Variants in LGR5 observed in about 807,000 individuals in gnomAD.
The protein encoded by LGR5 is leucine rich repeat containing G protein-coupled receptor 5.
LGR5 carries 54 observed loss-of-function variants against 76.7 expected under a neutral mutation model. The ratio of observed to expected loss-of-function variants is 0.70; its 90% CI spans 0.57 to 0.88. LGR5 has a LOEUF of 0.88. Ranked by LOEUF, LGR5 falls within the 40% of genes least tolerant of loss-of-function variation. The probability of loss-of-function intolerance (pLI) is 0.00; values close to 1 mark genes in which losing one functional copy is unlikely to be tolerated. For missense variants in LGR5, 1,078 were observed against 1,073.3 expected (o/e 1.00, Z -0.06); for synonymous variants, 406 against 421.9 (o/e 0.96, Z 0.46).
At chr12:71,549,281 A>T (rs1430661665) in intron 4 of LGR5, among the ~76,000 whole-genome samples, 1 of 128,008 alleles carries the variant, frequency 7.8e-6, no homozygotes, top group Non-Finnish European at 1.7e-5. Context: ...AGTGGTCGCC[A>T]GGGGCTGGGA....
At chr12:71,571,853 T>C (rs1878625688) in intron 12 of LGR5, among the ~76,000 whole-genome samples, 1 of 152,208 alleles carries the variant, frequency 6.6e-6, no homozygotes. Context: ...TTGGGTGTGT[T>C]TGGGCTTTGA....
At chr12:71,458,299 T>C (rs561974761) in intron 1 of LGR5, among the ~76,000 whole-genome samples, 42 of 152,220 alleles carry the variant, frequency 2.8e-4, no homozygotes, top group Admixed American at 7.8e-4. Flanking sequence ...TTAATGTTCC[T>C]TATAAAATGA....
At chr12:71,549,879 CA>C (rs150341003) in intron 4 of LGR5, among the ~76,000 whole-genome samples, 2,890 of 152,280 alleles carry the variant, frequency 0.019, 97 homozygotes, top group African/African-American at 0.065. Context: ...TTACTCATTT[CA>C]TTTCAGATAG....
intron 1 of LGR5, among the ~76,000 whole-genome samples, chr12:71,445,047 T>C (rs1007285809): frequency 3.3e-5 from 5 of 152,184 alleles, no homozygotes; most frequent in Non-Finnish European, 7.4e-5. Context: ...AAGACAGAAA[T>C]GAAAAACAGT....
chr12:71,566,477 TA>T lies in LGR5; in HGVS notation c.929+4del. On this transcript the variant is annotated splice_donor_region_variant and intron_variant, in intron 9 of 17. Coordinates refer to ENST00000266674, the MANE Select transcript of LGR5 (RefSeq NM_003667.4). Reference sequence around the variant, plus strand: ...ACATTTACCTGAACTAAGAACACTGTAAGTTTCTATGTCTCTTATGGATCAC... The same window carrying T: ...ACATTTACCTGAACTAAGAACACTGTAGTTTCTATGTCTCTTATGGATCAC... 3.1e-6 allele frequency: 5 copies of T among 1,591,032 alleles called. No homozygotes were observed. Among genetic ancestry groups the T allele is most frequent in the Non-Finnish European group, 4.3e-6 (5 of 1,159,328 alleles).
chr12:71,560,380 T>G (rs1482084543), intron 7 of LGR5, among the ~76,000 whole-genome samples: 1 of 152,180 alleles, frequency 6.6e-6, no homozygotes, highest in African/African-American at 2.4e-5. Context: ...AAGTATATCA[T>G]CATAAAGGTC....
chr12:71,491,935 T>C (rs1040727227), intron 1 of LGR5, among the ~76,000 whole-genome samples: 2 of 151,704 alleles, frequency 1.3e-5, no homozygotes, highest in African/African-American at 4.9e-5. Flanking sequence ...TTTTAGCTAA[T>C]AGAATTGGAG....
At chr12:71,443,221 TA>T (rs1489458110) in intron 1 of LGR5, among the ~76,000 whole-genome samples, 1 of 152,222 alleles carries the variant, frequency 6.6e-6, no homozygotes, top group African/African-American at 2.4e-5. Context: ...GTCAGACTTG[TA>T]GGTAAAGAAA....
At position 71,584,389 on chromosome 12, in the gene LGR5, T is replaced by C. The variant is rs774356819; in HGVS notation, c.2379T>C (p.Leu793=). 6.2e-7 allele frequency: 1 copy of C among 1,614,204 alleles called. No individual in the cohort carries two copies. The highest frequency in any genetic ancestry group is 1.1e-5 in the South Asian group (1 of 91,084). ...TGTCCTTCTCCTCTTTAATAAACCT[T>C]ACATTTATCAGTCCTGAAGTAATTA... ...AFLSFSSLIN[L]TFISPEVIKF... The change falls in exon 18 of 18, where the codon CTT becomes CTC. Residue 793 remains leucine (L), a synonymous_variant. Coordinates refer to ENST00000266674, the MANE Select transcript of LGR5 (RefSeq NM_003667.4).
intron 12 of LGR5, among the ~76,000 whole-genome samples, chr12:71,572,223 C>T (rs945783293): frequency 5.3e-5 from 8 of 151,954 alleles, no homozygotes; most frequent in African/African-American, 1.9e-4. Context: ...GCTGGGATTA[C>T]AGGCACCCAT....
At chr12:71,580,484 G>A in intron 16 of LGR5, 61 bp downstream of exon 16, 1 of 1,524,040 alleles carries the variant, frequency 6.6e-7, no homozygotes, top group Non-Finnish European at 9.0e-7. Context: ...ACATGGAAAT[G>A]AATTATGTTT....
chr12:71,537,214 G>A (rs1300808412), intron 4 of LGR5, among the ~76,000 whole-genome samples: 1 of 151,730 alleles, frequency 6.6e-6, no homozygotes, highest in Non-Finnish European at 1.5e-5. Flanking sequence ...GATATGTTGG[G>A]AGGTTAAAGT....
chr12:71,513,228 T>C (rs1875257417), intron 2 of LGR5, among the ~76,000 whole-genome samples: 1 of 152,100 alleles, frequency 6.6e-6, no homozygotes. Flanking sequence ...CAATGAAGAC[T>C]AAAAGAGAGC....
At chr12:71,464,387 A>G (rs1043501486) in intron 1 of LGR5, among the ~76,000 whole-genome samples, 6 of 152,216 alleles carry the variant, frequency 3.9e-5, no homozygotes, top group Admixed American at 3.3e-4. Context: ...CGTGCCCAGA[A>G]TCAACTTTGA....
intron 6 of LGR5, among the ~76,000 whole-genome samples, chr12:71,557,541 A>C (rs1877837601): frequency 6.6e-6 from 1 of 152,148 alleles, no homozygotes; most frequent in Non-Finnish European, 1.5e-5. Flanking sequence ...TACTACTTCC[A>C]AAGAATAAGT....
intron 2 of LGR5, among the ~76,000 whole-genome samples, chr12:71,510,437 C>A (rs948183182): frequency 5.3e-5 from 8 of 152,168 alleles, no homozygotes; most frequent in Non-Finnish European, 2.9e-5. Context: ...TCCTTTTTCT[C>A]CTTAGCATTC....
chr12:71,543,017 A>G (rs1281633734), intron 4 of LGR5, among the ~76,000 whole-genome samples: 1 of 31,416 alleles, frequency 3.2e-5, no homozygotes, highest in African/African-American at 8.0e-5. Flanking sequence ...GTTTACTGCT[A>G]AATCTTCAGC....
intron 2 of LGR5, among the ~76,000 whole-genome samples, chr12:71,517,298 C>A (rs555807412): frequency 2.1e-4 from 32 of 152,300 alleles, no homozygotes; most frequent in African/African-American, 7.7e-4. Flanking sequence ...CAGCCAATAG[C>A]AGATCATAAA....
At chr12:71,441,614 A>G (rs1381993271) in intron 1 of LGR5, 3 of 152,182 alleles carry the variant, frequency 2.0e-5, no homozygotes, top group Admixed American at 2.0e-4. Context: ...GAAGAAAAAA[A>G]CATCTTTTAC....
Sources: gnomAD v4.1 joint callset for allele counts (sites outside exome capture counted in the v4.1 genomes callset) on GRCh38, gnomAD v4.1.1 for gene constraint, MANE v1.5 for transcripts, NCBI Gene and HGNC (gene_info 2026-07-23, HGNC 2026-07-21) for gene names.